Variants in PELI2 observed in about 807,000 individuals in gnomAD.
The protein encoded by PELI2 is pellino E3 ubiquitin protein ligase family member 2, also known as E3 ubiquitin-protein ligase pellino homolog 2.
In PELI2, 23 loss-of-function variants were observed where a neutral mutation model predicts 42.3. The observed-to-expected ratio is 0.54, with a 90% confidence interval of 0.39 to 0.77. PELI2 has a LOEUF of 0.77. PELI2 is among the 30% of genes least tolerant of loss of function. PELI2 has a pLI of 0.00. For synonymous variants in PELI2, 245 were observed against 212.2 expected, an observed-to-expected ratio of 1.15 and a Z score of -1.34; for missense variants, 463 against 553.2, an observed-to-expected ratio of 0.84 and a Z score of 1.64.
intron 1 of PELI2, among the ~76,000 whole-genome samples, chr14:56,175,168 G>A (rs762282970): frequency 1.3e-5 from 2 of 151,938 alleles, no homozygotes; most frequent in South Asian, 2.1e-4. Flanking sequence ...GCTAATTTTC[G>A]TATTTTTTGT....
intron 2 of PELI2, among the ~76,000 whole-genome samples, chr14:56,220,931 C>T (rs1031979572): frequency 2.0e-5 from 3 of 152,286 alleles, no homozygotes; most frequent in East Asian, 3.9e-4. Context: ...TTCAGAAGCA[C>T]GTGATTCTGT....
intron 2 of PELI2, among the ~76,000 whole-genome samples, chr14:56,270,062 C>A (rs1301316616): frequency 6.6e-6 from 1 of 152,204 alleles, no homozygotes; most frequent in Non-Finnish European, 1.5e-5. Flanking sequence ...TTGAGCGTGC[C>A]TGCCCCAGCC....
rs536806591 is a variant in PELI2, at chr14:56,200,874, G to A, written c.207+22410G>A. The stretch of plus-strand genomic sequence containing the variant: ...ATTGTTTGCCTCATAGATTTTGCCT[G>A]GTCTAATGGCCATTAGTGATCATTA... On this transcript the variant is annotated intron_variant, in intron 2 of 5. Coordinates refer to ENST00000267460, the MANE Select transcript of PELI2 (RefSeq NM_021255.3). Among the ~76,000 whole-genome samples, 78 of 152,092 alleles carry A rather than the reference G, an allele frequency of 5.1e-4. 1 individual carries two copies. Among genetic ancestry groups the A allele is most frequent in the Non-Finnish European group, 4.4e-5 (3 of 68,026 alleles).
intron 2 of PELI2, among the ~76,000 whole-genome samples, chr14:56,190,184 A>G (rs1885909743): frequency 6.6e-6 from 1 of 152,176 alleles, no homozygotes; most frequent in Non-Finnish European, 1.5e-5. Flanking sequence ...ATACCACTTC[A>G]TCAGCAGTTT....
At chr14:56,228,329 T>C (rs7143560) in intron 2 of PELI2, among the ~76,000 whole-genome samples, 50,679 of 152,174 alleles carry the variant, frequency 0.33, 10,857 homozygotes, top group African/African-American at 0.61. Context: ...TGGGAACCTA[T>C]ATGTAGATCC....
intron 1 of PELI2, among the ~76,000 whole-genome samples, chr14:56,126,748 A>G (rs1255312159): frequency 6.6e-6 from 1 of 152,134 alleles, no homozygotes; most frequent in Non-Finnish European, 1.5e-5. Flanking sequence ...GGATTGATTG[A>G]TTGATTGCGT....
intron 1 of PELI2, among the ~76,000 whole-genome samples, chr14:56,132,552 C>G (rs1339585653): frequency 6.6e-6 from 1 of 152,130 alleles, no homozygotes; most frequent in Non-Finnish European, 1.5e-5. Context: ...GCTTGGCCTG[C>G]TTATGTTCGT....
intron 2 of PELI2, among the ~76,000 whole-genome samples, chr14:56,208,117 G>T (rs115595867): frequency 6.6e-6 from 1 of 152,226 alleles, no homozygotes; most frequent in Admixed American, 6.5e-5. Flanking sequence ...AACAGCTTAG[G>T]AGTTGTCTGG....
intron 2 of PELI2, among the ~76,000 whole-genome samples, chr14:56,223,596 A>G (rs1283949217): frequency 6.6e-6 from 1 of 152,228 alleles, no homozygotes; most frequent in Non-Finnish European, 1.5e-5. Flanking sequence ...ATGTAGAGAG[A>G]GGAAAATCTA....
chr14:56,229,919 C>A (rs1281248028), intron 2 of PELI2, among the ~76,000 whole-genome samples: 1 of 152,184 alleles, frequency 6.6e-6, no homozygotes, highest in Non-Finnish European at 1.5e-5. Context: ...CTTGATGGAG[C>A]TGAAAACCAT....
At chr14:56,240,598 G>A (rs1887938728) in intron 2 of PELI2, among the ~76,000 whole-genome samples, 1 of 152,148 alleles carries the variant, frequency 6.6e-6, no homozygotes, top group African/African-American at 2.4e-5. Context: ...AGTCTGTAGT[G>A]GTAAGTGGAA....
At chr14:56,120,770 T>C (rs1883031954) in intron 1 of PELI2, among the ~76,000 whole-genome samples, 2 of 151,736 alleles carry the variant, frequency 1.3e-5, no homozygotes, top group African/African-American at 4.8e-5. Context: ...TGAAGAGGAG[T>C]TGATAAACTT....
intron 2 of PELI2, among the ~76,000 whole-genome samples, chr14:56,229,448 T>C (rs938514457): frequency 6.6e-6 from 1 of 152,224 alleles, no homozygotes; most frequent in Non-Finnish European, 1.5e-5. Context: ...TTTGCTGTTC[T>C]GCAGCCTCCA....
At chr14:56,282,822 T>C (rs1889523986) in intron 3 of PELI2, among the ~76,000 whole-genome samples, 1 of 152,124 alleles carries the variant, frequency 6.6e-6, no homozygotes, top group Non-Finnish European at 1.5e-5. Flanking sequence ...TGGAACTTTA[T>C]TATTATATCT....
intron 1 of PELI2, among the ~76,000 whole-genome samples, chr14:56,157,076 T>G (rs1460595725): frequency 2.0e-5 from 3 of 152,240 alleles, no homozygotes; most frequent in African/African-American, 7.2e-5. Context: ...AGTTATTGTA[T>G]TCATGTATTT....
intron 2 of PELI2, among the ~76,000 whole-genome samples, chr14:56,237,386 A>G (rs1887835718): frequency 6.6e-6 from 1 of 152,188 alleles, no homozygotes; most frequent in African/African-American, 2.4e-5. Flanking sequence ...CTTAATATTC[A>G]GTATTCACTT....
At chr14:56,124,366 A>G (rs955303429) in intron 1 of PELI2, among the ~76,000 whole-genome samples, 5 of 152,172 alleles carry the variant, frequency 3.3e-5, no homozygotes, top group African/African-American at 1.2e-4. Flanking sequence ...TGTTTTCTCA[A>G]GTGGGAGAGA....
chr14:56,192,646 G>A (rs1233106002), intron 2 of PELI2, among the ~76,000 whole-genome samples: 1 of 152,142 alleles, frequency 6.6e-6, no homozygotes, highest in Non-Finnish European at 1.5e-5. Flanking sequence ...AAATTCCTTG[G>A]ATTGAAATTC....
intron 2 of PELI2, among the ~76,000 whole-genome samples, chr14:56,228,719 A>T (rs922890714): frequency 4.6e-5 from 7 of 152,172 alleles, no homozygotes; most frequent in African/African-American, 1.4e-4. Flanking sequence ...TGCATTTCCA[A>T]CTGAGGTACC....
Sources: gnomAD v4.1 joint callset for allele counts (sites outside exome capture counted in the v4.1 genomes callset) on GRCh38, gnomAD v4.1.1 for gene constraint, MANE v1.5 for transcripts, NCBI Gene and HGNC (gene_info 2026-07-23, HGNC 2026-07-21) for gene names.